TTC34: variants seen among roughly 807,000 people sequenced by gnomAD.
The protein encoded by TTC34 is tetratricopeptide repeat protein 34.
TTC34 carries 44 observed loss-of-function variants against 40.7 expected under a neutral mutation model. That is an observed-to-expected ratio of 1.08 (90% CI 0.85 to 1.39). TTC34 has a LOEUF of 1.39. Among genes scored for constraint, TTC34 ranks in the 40% most tolerant of loss-of-function variants. TTC34 has a pLI of 0.00. For missense variants in TTC34, 884 were observed against 838.0 expected, an observed-to-expected ratio of 1.05 and a Z score of -0.68; for synonymous variants, 422 against 398.6, an observed-to-expected ratio of 1.06 and a Z score of -0.70.
intron 6 of TTC34, among the ~76,000 whole-genome samples, chr1:2,753,458 C>T (rs1259962602): frequency 7.3e-5 from 7 of 95,288 alleles, no homozygotes; most frequent in South Asian, 4.4e-4. Context: ...AGCCTGCACC[C>T]CCAGGTGTGC....
intron 6 of TTC34, among the ~76,000 whole-genome samples, chr1:2,768,030 A>G (rs953332123): frequency 1.3e-4 from 19 of 151,346 alleles, no homozygotes; most frequent in African/African-American, 4.4e-4. Context: ...GACAGCATAA[A>G]ACAGCACCCC....
chr1:2,644,192 G>A, intron 8 of TTC34, 72 bp downstream of exon 8: 2 of 1,417,788 alleles, frequency 1.4e-6, no homozygotes, highest in Non-Finnish European at 1.9e-6. Flanking sequence ...TGCCCCAGTG[G>A]TGGGCCCGGG....
At chr1:2,651,068 C>A (rs979207888) in intron 6 of TTC34, among the ~76,000 whole-genome samples, 11 of 151,528 alleles carry the variant, frequency 7.3e-5, no homozygotes, top group Non-Finnish European at 7.4e-5. Context: ...GTATGTCACA[C>A]CCCCAGGTAA....
intron 6 of TTC34, among the ~76,000 whole-genome samples, chr1:2,686,206 G>A (rs1447397472): frequency 1.5e-5 from 2 of 131,510 alleles, no homozygotes; most frequent in Admixed American, 7.7e-5. Flanking sequence ...CACACCCCCA[G>A]GCGAGCATCT....
At chr1:2,699,248 T>C (rs112107540) in intron 6 of TTC34, among the ~76,000 whole-genome samples, 1,118 of 42,964 alleles carry the variant, frequency 0.026, 17 homozygotes, top group African/African-American at 0.038. Context: ...GCAGCACCCA[T>C]ACCCCAAGGC....
chr1:2,646,165 A>G (rs1020998103), intron 6 of TTC34, among the ~76,000 whole-genome samples: 7 of 152,118 alleles, frequency 4.6e-5, no homozygotes, highest in Admixed American at 3.9e-4. Flanking sequence ...CTTTCTAGCA[A>G]TTGCCTTGTG....
intron 2 of TTC34, among the ~76,000 whole-genome samples, chr1:2,797,803 C>T (rs796437976): frequency 9.9e-5 from 15 of 152,076 alleles, no homozygotes; most frequent in Admixed American, 1.3e-4. Flanking sequence ...TTTTCCCATC[C>T]GCGCTTCCCT....
chr1:2,777,258 G>A (rs1164928787), intron 6 of TTC34, among the ~76,000 whole-genome samples: 1 of 120,480 alleles, frequency 8.3e-6, no homozygotes, highest in Non-Finnish European at 1.7e-5. Context: ...CACACCCCCA[G>A]TGAGCATCTG....
In TTC34 at chr1:2,796,222, A is replaced by T. The variant is rs920008533; in HGVS notation, c.784+3822T>A. Among the ~76,000 whole-genome samples, 1 of 152,194 alleles carries T rather than the reference A, an allele frequency of 6.6e-6. No individual in the cohort carries two copies. The highest frequency in any genetic ancestry group is 1.5e-5 in the Non-Finnish European group (1 of 68,038). ...CATTATGGATCACCCAGCCCGTGGC[A>T]TTCTGTCACAGCAGCACAAATGGAG... On this transcript the variant is annotated intron_variant, in intron 2 of 8. Transcript: ENST00000401095. The surrounding 1 kb of genome is among the most constrained non-coding windows in gnomAD (Gnocchi z 4.5).
intron 6 of TTC34, among the ~76,000 whole-genome samples, chr1:2,651,713 C>A (rs915021467): frequency 5.3e-5 from 8 of 151,812 alleles, no homozygotes; most frequent in African/African-American, 1.7e-4. Flanking sequence ...ACAGCACCAC[C>A]CCTCTCCAAC....
intron 6 of TTC34, among the ~76,000 whole-genome samples, chr1:2,652,520 C>A (rs1639181425): frequency 2.2e-3 from 266 of 122,442 alleles, no homozygotes; most frequent in Middle Eastern, 0.013. Context: ...CAACAGCACC[C>A]ACACCTCCAG....
At chr1:2,700,115 C>A (rs12746841) in intron 6 of TTC34, among the ~76,000 whole-genome samples, 1 of 119,472 alleles carries the variant, frequency 8.4e-6, no homozygotes, top group African/African-American at 2.7e-5. Context: ...ATCCGAGAGC[C>A]TGGAGCAGCA....
chr1:2,751,962 G>T lies in TTC34; in HGVS notation c.2226+31647C>A, dbSNP rs1199378017. On this transcript the variant is annotated intron_variant, in intron 6 of 8. Transcript: ENST00000401095. Reference sequence around the variant, plus strand: ...TGAACATCGGAGAGTCTGGAGCAGCGCCCACACCCCCAGGCGAGCATTTGA... The same window carrying T: ...TGAACATCGGAGAGTCTGGAGCAGCTCCCACACCCCCAGGCGAGCATTTGA... Among the ~76,000 whole-genome samples the T allele has an allele frequency of 5.5e-5, 4 of 72,670 alleles. 1 individual carries two copies. The highest frequency in any genetic ancestry group is 5.7e-4 in the East Asian group (1 of 1,742). The allele number at this position is 72,670 out of a possible 152,430, so 47.7% of individuals were successfully genotyped here.
rs1273177171 is a variant in TTC34 at position 2,639,633 on chromosome 1, T to C, written c.*1735A>G. Reference sequence around the variant, plus strand: ...ACGGGTGAAGACAGGGAGGGAAGGGTGGATGGGGAGCTGGCAGGCGGAAGA... The same window carrying C: ...ACGGGTGAAGACAGGGAGGGAAGGGCGGATGGGGAGCTGGCAGGCGGAAGA... On this transcript the variant is annotated 3_prime_UTR_variant, in exon 9 of 9. Transcript: ENST00000401095. 3 of 152,024 alleles carry C rather than the reference T, an allele frequency of 2.0e-5. No individual in the cohort carries two copies. In the East Asian group the frequency reaches 5.8e-4, roughly 30 times the overall value. The allele number at this position is 152,024 out of a possible 1,614,324, so 9.4% of individuals were successfully genotyped here.
At position 2,783,787 on chromosome 1, in the gene TTC34, C is replaced by T. The variant is rs185702916; in HGVS notation, c.2060-12G>A. 1.5e-4 allele frequency: 222 copies of T among 1,484,368 alleles called. No individual in the cohort carries two copies. In the African/African-American group the frequency reaches 1.7e-3, roughly 12 times the overall value. The allele number at this position is 1,484,368 out of a possible 1,614,324, so 91.9% of individuals were successfully genotyped here. On this transcript the variant is annotated splice_polypyrimidine_tract_variant and intron_variant, in intron 5 of 8. Coordinates refer to ENST00000401095, the Ensembl canonical transcript of TTC34. ...ACTTGCCTGGCTTCCTGCAGGAAGA[C>T]GGCATGGGGTCAGGATGAGCCTATG...
chr1:2,755,168 T>G (rs1176564779), intron 6 of TTC34, among the ~76,000 whole-genome samples: 50 of 3,616 alleles, frequency 0.014, no homozygotes, highest in East Asian at 0.062. Context: ...ACAGCCTGGA[T>G]CAGCACCCAC....
In TTC34 at chr1:2,786,024, C is replaced by T; in HGVS notation, c.1855-1G>A. On this transcript the variant is annotated splice_acceptor_variant, in intron 4 of 8. Transcript: ENST00000401095. LOFTEE classifies it high-confidence loss of function. The stretch of plus-strand genomic sequence containing the variant: ...CAGACTGGACCAGCTTCTTCACCAA[C>T]TGCAAGGGTGCCACAGTCACTGCCC... 1 of 1,462,054 alleles carries T rather than the reference C, an allele frequency of 6.8e-7. No individual in the cohort carries two copies. The highest frequency in any genetic ancestry group is 1.8e-4 in the Middle Eastern group (1 of 5,582). The allele number at this position is 1,462,054 out of a possible 1,614,324, so 90.6% of individuals were successfully genotyped here.
intron 2 of TTC34, among the ~76,000 whole-genome samples, chr1:2,795,143 TG>T (rs2100634418): frequency 6.6e-6 from 1 of 151,502 alleles, no homozygotes; most frequent in South Asian, 2.1e-4. Flanking sequence ...CCCAGCTACT[TG>T]GGAGGCTGAG....
intron 8 of TTC34, 54 bp from the exon 9 acceptor site, chr1:2,641,949 C>G: frequency 7.0e-7 from 1 of 1,430,260 alleles, no homozygotes; most frequent in Non-Finnish European, 9.1e-7. Context: ...CCCAAAAGCC[C>G]GGCCGCCCCT....
Sources: allele counts gnomAD v4.1 joint callset (sites outside exome capture counted in the v4.1 genomes callset), GRCh38; gene constraint gnomAD v4.1.1; non-coding constraint Gnocchi (gnomAD v3.1); transcripts MANE v1.5; gene names NCBI Gene and HGNC (gene_info 2026-07-23, HGNC 2026-07-21).